Variants in SLC1A2 observed in about 807,000 individuals in gnomAD.
The protein encoded by SLC1A2 is solute carrier family 1 member 2, also known as excitatory amino acid transporter 2.
In SLC1A2, 15 loss-of-function variants were observed where a neutral mutation model predicts 48.8. The ratio of observed to expected loss-of-function variants is 0.31; its 90% CI spans 0.21 to 0.47. The LOEUF (loss-of-function observed/expected upper bound fraction) is 0.47. Ranked by LOEUF, SLC1A2 falls within the 20% of genes least tolerant of loss-of-function variation. SLC1A2 has a pLI of 0.99. For missense variants in SLC1A2, 502 were observed against 730.5 expected, an observed-to-expected ratio of 0.69 and a Z score of 3.61; for synonymous variants, 279 against 272.6, an observed-to-expected ratio of 1.02 and a Z score of -0.23.
intron 1 of SLC1A2, among the ~76,000 whole-genome samples, chr11:35,400,880 G>T (rs1423383450): frequency 3.3e-5 from 5 of 152,184 alleles, no homozygotes. Flanking sequence ...CAAGGGGGTT[G>T]GGCTATGGCT....
chr11:35,388,159 G>C (rs1854643893), intron 1 of SLC1A2, among the ~76,000 whole-genome samples: 1 of 152,184 alleles, frequency 6.6e-6, no homozygotes, highest in African/African-American at 2.4e-5. Flanking sequence ...TCCCATTAGG[G>C]GAGTAGGGTT....
chr11:35,416,040 A>G (rs2135308667), intron 1 of SLC1A2, among the ~76,000 whole-genome samples: 1 of 152,366 alleles, frequency 6.6e-6, no homozygotes, highest in South Asian at 2.1e-4. Context: ...CTATTAAATT[A>G]GACCTTGCTT....
At chr11:35,343,110 G>T (rs147692130) in intron 1 of SLC1A2, among the ~76,000 whole-genome samples, 2 of 152,360 alleles carry the variant, frequency 1.3e-5, no homozygotes, top group African/African-American at 4.8e-5. Flanking sequence ...TGTGTCAGTA[G>T]TGAGACAGGA....
At chr11:35,272,047 T>C (rs1480560006) in intron 9 of SLC1A2, among the ~76,000 whole-genome samples, 1 of 152,018 alleles carries the variant, frequency 6.6e-6, no homozygotes, top group African/African-American at 2.4e-5. Context: ...CAGATGGAAA[T>C]GGAAAGGAGA....
Position 35,315,128 on chromosome 11 carries a change from G to C in SLC1A2, c.205C>G (p.Pro69Ala). The C allele has an allele frequency of 6.2e-7, 1 of 1,613,048 alleles. No homozygotes were observed. Among genetic ancestry groups the C allele is most frequent in the Non-Finnish European group, 8.5e-7 (1 of 1,179,020 alleles). ...VCGGLLRLASPIHPDVVMLIA... is the reference protein window; with the variant it reads ...VCGGLLRLASAIHPDVVMLIA... ...AACATAACCACATCAGGGTGGATGG[G>C]AGATGCCAAGCGAAGAAGCCCTCCA... is the stretch of plus-strand genomic sequence containing the variant. Residue 69 changes from proline (P) to alanine (A), a missense_variant, in exon 3 of 11, where the codon CCC (proline) becomes GCC (alanine). Transcript: ENST00000278379.
At chr11:35,300,804 C>A (rs941374443) in intron 6 of SLC1A2, among the ~76,000 whole-genome samples, 70 of 151,972 alleles carry the variant, frequency 4.6e-4, no homozygotes, top group African/African-American at 1.6e-3. Flanking sequence ...TCACTTGAGC[C>A]CAGAAGTTTG....
chr11:35,324,015 A>G (rs1852159006), intron 1 of SLC1A2, among the ~76,000 whole-genome samples: 1 of 152,224 alleles, frequency 6.6e-6, no homozygotes, highest in Non-Finnish European at 1.5e-5. Context: ...TAAGTCATTG[A>G]GAGACCACCT....
chr11:35,325,389 C>T (rs868118906), intron 1 of SLC1A2, among the ~76,000 whole-genome samples: 16 of 152,158 alleles, frequency 1.1e-4, no homozygotes, highest in Admixed American at 5.2e-4. Flanking sequence ...TATGTTTTCC[C>T]CACTAGAACA....
intron 4 of SLC1A2, among the ~76,000 whole-genome samples, chr11:35,311,579 CTT>C (rs1312735513): frequency 6.6e-6 from 1 of 152,176 alleles, no homozygotes; most frequent in African/African-American, 2.4e-5. Context: ...AAGCTTCTAA[CTT>C]TTACTTTGTG....
chr11:35,271,587 G>A (rs1850280613), intron 9 of SLC1A2, among the ~76,000 whole-genome samples: 1 of 152,112 alleles, frequency 6.6e-6, no homozygotes, highest in East Asian at 1.9e-4. Flanking sequence ...TGAGATGAGG[G>A]TAAGACGTTT....
chr11:35,289,018 T>C (rs11033053), intron 7 of SLC1A2, among the ~76,000 whole-genome samples: 39,307 of 152,194 alleles, frequency 0.26, 5,237 homozygotes, highest in Admixed American at 0.3. Flanking sequence ...GCTTTTTTGG[T>C]TCCTGCCTCA....
chr11:35,290,715 G>GTT (rs770386027), intron 7 of SLC1A2, among the ~76,000 whole-genome samples: 1 of 89,118 alleles, frequency 1.1e-5, no homozygotes. Flanking sequence ...ACCAGGTTGG[G>GTT]TTTTTTTTTT....
chr11:35,370,865 C>T (rs1235312057), intron 1 of SLC1A2: 2 of 725,672 alleles, frequency 2.8e-6, no homozygotes, highest in Non-Finnish European at 1.7e-6. Flanking sequence ...ACATGAGCTG[C>T]ACATGCTGAG....
chr11:35,398,915 A>G (rs548778101), intron 1 of SLC1A2, among the ~76,000 whole-genome samples: 1 of 152,346 alleles, frequency 6.6e-6, no homozygotes, highest in African/African-American at 2.4e-5. Context: ...CCATTTACTC[A>G]GCTCTGGTGC....
At chr11:35,280,834 A>G (rs750595853) in intron 9 of SLC1A2, 33 bp downstream of exon 9, 14 of 1,509,988 alleles carry the variant, frequency 9.3e-6, no homozygotes, top group Non-Finnish European at 1.3e-5. Flanking sequence ...CAGTACTCAC[A>G]GTCCCAGCAG....
intron 6 of SLC1A2, chr11:35,298,278 G>A (rs566910677): frequency 6.6e-6 from 1 of 152,248 alleles, no homozygotes; most frequent in South Asian, 2.1e-4. Context: ...TACCTGTACT[G>A]TAACCGAAAT....
In SLC1A2 at chr11:35,312,241, C is replaced by T. The variant is rs866322265; in HGVS notation, c.518G>A (p.Arg173Gln). The T allele has an allele frequency of 3.7e-6, 6 of 1,614,104 alleles. No individual in the cohort carries two copies. Among genetic ancestry groups the T allele is most frequent in the East Asian group, 2.2e-5 (1 of 44,888 alleles). Reference protein sequence around the residue: ...SSLDAFLDLIRNLFPENLVQA... With the variant: ...SSLDAFLDLIQNLFPENLVQA... ...GACAAGGTTTTCAGGGAAGAGATTT[C>T]GAATAAGGTCCAGGAAGGCATCCAG... Residue 173 changes from arginine to glutamine, a missense_variant, in exon 4 of 11, where the codon CGA becomes CAA. Transcript: ENST00000278379.
chr11:35,288,781 C>T (rs926303776), intron 7 of SLC1A2, among the ~76,000 whole-genome samples: 11 of 145,840 alleles, frequency 7.5e-5, no homozygotes, highest in Non-Finnish European at 1.5e-4. Context: ...CTAGGAATTG[C>T]TGGCATACAT....
At chr11:35,401,431 T>C (rs1855137315) in intron 1 of SLC1A2, among the ~76,000 whole-genome samples, 1 of 152,192 alleles carries the variant, frequency 6.6e-6, no homozygotes, top group African/African-American at 2.4e-5. Flanking sequence ...GAGTCTTTTT[T>C]GTCAGTCTTA....
Sources: allele counts gnomAD v4.1 joint callset (sites outside exome capture counted in the v4.1 genomes callset), GRCh38; gene constraint gnomAD v4.1.1; transcripts MANE v1.5; gene names NCBI Gene and HGNC (gene_info 2026-07-23, HGNC 2026-07-21).